LPP: variants seen among roughly 807,000 people sequenced by gnomAD.
The protein encoded by LPP is lipoma-preferred partner.
LPP carries 38 observed loss-of-function variants against 60.4 expected under a neutral mutation model. That is an observed-to-expected ratio of 0.63 (90% CI 0.49 to 0.83). LPP has a LOEUF of 0.83. Ranked by LOEUF, LPP falls within the 40% of genes least tolerant of loss-of-function variation. LPP has a pLI of 0.00. For missense variants in LPP, 902 were observed against 783.6 expected, an observed-to-expected ratio of 1.15 and a Z score of -1.80; for synonymous variants, 328 against 290.8, an observed-to-expected ratio of 1.13 and a Z score of -1.30.
rs181418592 is a variant in LPP at position 188,793,704 on chromosome 3, G to C, written c.1410+33422G>C. ...AAATGGGCAACTTTTCTAGCCTTCC[G>C]TCTAATTGGGTTTAATATCAGTGAA... On this transcript the variant is annotated intron_variant, in intron 9 of 11. Coordinates refer to ENST00000617246, the MANE Select transcript of LPP (RefSeq NM_001375462.1). 2.6e-5 allele frequency among the ~76,000 whole-genome samples: 4 copies of C among 152,148 alleles called. No individual in the cohort carries two copies. In the East Asian group the frequency reaches 7.8e-4, roughly 30 times the overall value.
intron 2 of LPP, among the ~76,000 whole-genome samples, chr3:188,291,909 C>T (rs925991187): frequency 2.0e-5 from 3 of 152,114 alleles, no homozygotes; most frequent in African/African-American, 2.4e-5. Context: ...TGCTCCACCA[C>T]CCTGATTTGA....
chr3:188,295,338 T>C (rs879730276), intron 2 of LPP, among the ~76,000 whole-genome samples: 6 of 152,134 alleles, frequency 3.9e-5, no homozygotes, highest in African/African-American at 1.4e-4. Context: ...TATATTTGAG[T>C]GGATCTGGTC....
intron 6 of LPP, among the ~76,000 whole-genome samples, chr3:188,557,809 G>A (rs758245631): frequency 9.2e-5 from 14 of 151,922 alleles, no homozygotes; most frequent in South Asian, 2.1e-4. Context: ...ATGTTCTGGC[G>A]CTCTCTTTTC....
At chr3:188,710,374 A>T (rs1425673385) in intron 8 of LPP, 1 of 152,162 alleles carries the variant, frequency 6.6e-6, no homozygotes. Flanking sequence ...CATCTGCCTG[A>T]GCCCCATTTC....
Position 188,341,680 on chromosome 3 carries a change from C to A in LPP, c.-49C>A. ...AACACTAGCATTGCAGTTGGCTGAA[C>A]CTTGTGTCAACCATCCATTCCAGGA... On this transcript the variant is annotated 5_prime_UTR_variant, in exon 3 of 12. Transcript: ENST00000617246. 1 of 984,950 alleles carries A rather than the reference C, an allele frequency of 1.0e-6. No individual in the cohort carries two copies. The highest frequency in any genetic ancestry group is 1.2e-6 in the Non-Finnish European group (1 of 829,548). 61.0% of individuals were successfully genotyped at this position (984,950 alleles called of 1,614,324 possible). A position where few individuals can be genotyped will look rare whatever the true frequency, so the allele number is the denominator to read the frequency against.
chr3:188,359,354 A>G (rs1768563391), intron 3 of LPP, among the ~76,000 whole-genome samples: 1 of 152,192 alleles, frequency 6.6e-6, no homozygotes, highest in Non-Finnish European at 1.5e-5. Context: ...AAGGAGTCTC[A>G]GCTCTTGAAA....
rs1484898093 is a variant in LPP at position 188,874,640 on chromosome 3, G to T, written c.*161G>T. 1.3e-6 allele frequency: 1 copy of T among 777,582 alleles called. No homozygotes were observed. The highest frequency in any genetic ancestry group is 2.7e-5 in the East Asian group (1 of 36,928). The allele number at this position is 777,582 out of a possible 1,614,324, so 48.2% of individuals were successfully genotyped here. A position where few individuals can be genotyped will look rare whatever the true frequency, so the allele number is the denominator to read the frequency against. On this transcript the variant is annotated 3_prime_UTR_variant, in exon 12 of 12. Transcript: ENST00000617246. ...AATTATGAGATTTTTTTTAAAAGTT[G>T]TTACCAAATACACATTTCACATTGA...
At chr3:188,222,043 T>A (rs750613583) in intron 1 of LPP, among the ~76,000 whole-genome samples, 1 of 152,188 alleles carries the variant, frequency 6.6e-6, no homozygotes, top group African/African-American at 2.4e-5. Context: ...CAGTGTTCAA[T>A]TGGGAAATTT....
chr3:188,734,614 G>A (rs1721844053), intron 8 of LPP, among the ~76,000 whole-genome samples: 2 of 152,192 alleles, frequency 1.3e-5, no homozygotes, highest in African/African-American at 4.8e-5. Context: ...GTGTCCTAGG[G>A]GTGACTGGGA....
intron 2 of LPP, among the ~76,000 whole-genome samples, chr3:188,240,352 T>TAC (rs2149446514): frequency 6.9e-6 from 1 of 144,642 alleles, no homozygotes; most frequent in Non-Finnish European, 1.5e-5. Context: ...AGTGTGTGTG[T>TAC]GTGTGTGTGT....
chr3:188,697,734 C>T (rs898668578), intron 7 of LPP, among the ~76,000 whole-genome samples: 1 of 152,188 alleles, frequency 6.6e-6, no homozygotes, highest in Non-Finnish European at 1.5e-5. Context: ...CATAATATCA[C>T]AATCCTGACA....
intron 6 of LPP, among the ~76,000 whole-genome samples, chr3:188,597,610 A>G (rs1840235771): frequency 6.6e-6 from 1 of 152,136 alleles, no homozygotes; most frequent in South Asian, 2.1e-4. Context: ...AGAACTTTTA[A>G]AATTAGATTG....
intron 6 of LPP, among the ~76,000 whole-genome samples, chr3:188,584,709 T>G (rs1837040942): frequency 2.0e-5 from 3 of 152,084 alleles, no homozygotes; most frequent in Admixed American, 2.0e-4. Flanking sequence ...GTTCCCTTGC[T>G]TGTCTCTCTT....
intron 6 of LPP, among the ~76,000 whole-genome samples, chr3:188,546,593 C>A (rs937306347): frequency 1.3e-5 from 2 of 151,994 alleles, no homozygotes; most frequent in Admixed American, 6.6e-5. Context: ...TGGGAGTCTA[C>A]GGAATCTAGG....
chr3:188,177,869 C>T (rs1723534745), intron 1 of LPP, among the ~76,000 whole-genome samples: 1 of 152,192 alleles, frequency 6.6e-6, no homozygotes, highest in Non-Finnish European at 1.5e-5. Flanking sequence ...AGAACTTTGA[C>T]AGTTGCTGCC....
At chr3:188,724,697 G>A (rs1323320984) in intron 8 of LPP, among the ~76,000 whole-genome samples, 1 of 152,090 alleles carries the variant, frequency 6.6e-6, no homozygotes, top group Non-Finnish European at 1.5e-5. Context: ...TATTATGATT[G>A]TAGCAATATT....
At chr3:188,179,919 T>C (rs1018767939) in intron 1 of LPP, 2 of 196,282 alleles carry the variant, frequency 1.0e-5, no homozygotes, top group Non-Finnish European at 2.1e-5. Flanking sequence ...TGAAGCAACA[T>C]AGGGGGTTGT....
chr3:188,462,476 T>C (rs1464399118), intron 4 of LPP, among the ~76,000 whole-genome samples: 7 of 146,656 alleles, frequency 4.8e-5, no homozygotes, highest in Admixed American at 6.9e-5. Flanking sequence ...ATATATAGCA[T>C]ATGTGTGTGT....
At chr3:188,374,073 GT>G (rs1774157104) in intron 3 of LPP, among the ~76,000 whole-genome samples, 1 of 152,114 alleles carries the variant, frequency 6.6e-6, no homozygotes, top group Non-Finnish European at 1.5e-5. Flanking sequence ...CTATATCTCT[GT>G]TTTGGTACCC....
Sources: allele counts gnomAD v4.1 joint callset (sites outside exome capture counted in the v4.1 genomes callset), GRCh38; gene constraint gnomAD v4.1.1; transcripts MANE v1.5; gene names NCBI Gene and HGNC (gene_info 2026-07-23, HGNC 2026-07-21).